GALNT18: variants seen among roughly 807,000 people sequenced by gnomAD.
GALNT18 encodes polypeptide N-acetylgalactosaminyltransferase 18.
Under a neutral mutation model 69.5 loss-of-function variants are expected in GALNT18, and 44 were observed. The ratio of observed to expected loss-of-function variants is 0.63; its 90% CI spans 0.50 to 0.81. GALNT18 has a LOEUF of 0.81. GALNT18 is among the 40% of genes least tolerant of loss of function. GALNT18 has a pLI of 0.00. For missense variants in GALNT18, 715 were observed against 810.0 expected, an observed-to-expected ratio of 0.88 and a Z score of 1.42; for synonymous variants, 364 against 318.2, an observed-to-expected ratio of 1.14 and a Z score of -1.53.
chr11:11,586,943 G>A lies in GALNT18; in HGVS notation c.235+34416C>T, dbSNP rs112154806. Among the ~76,000 whole-genome samples, 78 of 152,216 alleles carry A rather than the reference G, an allele frequency of 5.1e-4. No homozygotes were observed. Among genetic ancestry groups the A allele is most frequent in the African/African-American group, 1.7e-3 (71 of 41,530 alleles). On this transcript the variant is annotated intron_variant, in intron 1 of 10. Coordinates refer to ENST00000227756, the MANE Select transcript of GALNT18 (RefSeq NM_198516.3). This position sits in a 1 kb window ranked among gnomAD's most constrained non-coding sequence, Gnocchi z 4.1. ...GCGGAGGGTGCAGTGAGCCGAGATC[G>A]TGTCAAAGCACTCCAGCCTGGGGAA...
At chr11:11,473,581 T>A (rs1485913248) in intron 1 of GALNT18, among the ~76,000 whole-genome samples, 1 of 152,216 alleles carries the variant, frequency 6.6e-6, no homozygotes, top group Non-Finnish European at 1.5e-5. Context: ...TGAGCTTCAC[T>A]TTCAGCATCC....
Position 11,563,304 on chromosome 11 carries a change from T to C in GALNT18, c.235+58055A>G, listed in dbSNP as rs1347684028. On this transcript the variant is annotated intron_variant, in intron 1 of 10. Transcript: ENST00000227756. The surrounding 1 kb of genome is among the most constrained non-coding windows in gnomAD (Gnocchi z 4.6). Reference sequence around the variant, plus strand: ...GCAATTTCAGCTCCATCTGCAGTCTTTTCTTTCCGGAAGCTTTGCTCCAGT... The same window carrying C: ...GCAATTTCAGCTCCATCTGCAGTCTCTTCTTTCCGGAAGCTTTGCTCCAGT... Among the ~76,000 whole-genome samples the C allele has an allele frequency of 6.6e-6, 1 of 152,186 alleles. No homozygotes were observed. Among genetic ancestry groups the C allele is most frequent in the Non-Finnish European group, 1.5e-5 (1 of 68,036 alleles).
chr11:11,381,530 C>A (rs4453231), intron 3 of GALNT18, among the ~76,000 whole-genome samples: 1 of 152,116 alleles, frequency 6.6e-6, no homozygotes, highest in Non-Finnish European at 1.5e-5. Context: ...TGAATTTCAC[C>A]TCTCTGAATT....
intron 9 of GALNT18, among the ~76,000 whole-genome samples, chr11:11,316,945 G>A (rs527897645): frequency 1.5e-4 from 23 of 152,290 alleles, no homozygotes; most frequent in Non-Finnish European, 2.1e-4. Flanking sequence ...AATACTCAAC[G>A]CATGTTTGTT....
At chr11:11,312,780 C>T (rs1849691708) in intron 9 of GALNT18, among the ~76,000 whole-genome samples, 1 of 152,182 alleles carries the variant, frequency 6.6e-6, no homozygotes, top group South Asian at 2.1e-4. Context: ...ACTGGCTAAG[C>T]CTTCATTTAC....
rs533590851 is a variant in GALNT18 at position 11,543,259 on chromosome 11, T to C, written c.235+78100A>G. On this transcript the variant is annotated intron_variant, in intron 1 of 10. Transcript: ENST00000227756. This position sits in a 1 kb window ranked among gnomAD's most constrained non-coding sequence, Gnocchi z 5.1. The stretch of plus-strand genomic sequence containing the variant: ...TTCCAGCCAGGCTGATCTGTGATCA[T>C]TGCAAGTTGTTGCATCCTTGAGAGT... 1.3e-3 allele frequency among the ~76,000 whole-genome samples: 195 copies of C among 152,352 alleles called. No individual in the cohort carries two copies. In the Middle Eastern group the frequency reaches 0.014, roughly 11 times the overall value.
intron 3 of GALNT18, among the ~76,000 whole-genome samples, chr11:11,420,412 A>C (rs1194703810): frequency 2.6e-5 from 4 of 152,168 alleles, no homozygotes; most frequent in African/African-American, 9.7e-5. Flanking sequence ...TCTCATCCGC[A>C]TGCTCCACTT....
At chr11:11,492,259 A>G (rs1856786263) in intron 1 of GALNT18, among the ~76,000 whole-genome samples, 1 of 152,186 alleles carries the variant, frequency 6.6e-6, no homozygotes, top group South Asian at 2.1e-4. Flanking sequence ...GCATACAGAA[A>G]TGAGGAGACA....
Position 11,470,285 on chromosome 11 carries a change from C to A in GALNT18, c.236-21349G>T, listed in dbSNP as rs1272376004. On this transcript the variant is annotated intron_variant, in intron 1 of 10. Coordinates refer to ENST00000227756, the MANE Select transcript of GALNT18 (RefSeq NM_198516.3). This position sits in a 1 kb window ranked among gnomAD's most constrained non-coding sequence, Gnocchi z 4.8. ...AGGCCCTAAGGTTAAGACCCAGGCA[C>A]CAAGGGACATCCACATTCTGTCTCT... 2.0e-5 allele frequency among the ~76,000 whole-genome samples: 3 copies of A among 152,170 alleles called. No individual in the cohort carries two copies. The highest frequency in any genetic ancestry group is 7.2e-5 in the African/African-American group (3 of 41,440).
chr11:11,494,446 G>A lies in GALNT18; in HGVS notation c.236-45510C>T, dbSNP rs115073393. ...ATGCCCAGGACTGCCACATCCAAGA[G>A]GTTTCACACCATCTTAGTGTCCTGC... On this transcript the variant is annotated intron_variant, in intron 1 of 10. Coordinates refer to ENST00000227756, the MANE Select transcript of GALNT18 (RefSeq NM_198516.3). This position sits in a 1 kb window ranked among gnomAD's most constrained non-coding sequence, Gnocchi z 5.7. Among the ~76,000 whole-genome samples, 2,031 of 152,296 alleles carry A rather than the reference G, an allele frequency of 0.013. 40 individuals carry two copies. The highest frequency in any genetic ancestry group is 0.045 in the African/African-American group (1,873 of 41,554).
intron 1 of GALNT18, among the ~76,000 whole-genome samples, chr11:11,450,891 A>C (rs939929949): frequency 5.9e-5 from 9 of 152,226 alleles, no homozygotes; most frequent in Admixed American, 1.3e-4. Context: ...GCTGGATTTC[A>C]GTCCTGGGAA....
chr11:11,449,897 A>C lies in GALNT18; in HGVS notation c.236-961T>G, dbSNP rs554576841. 3.5e-4 allele frequency among the ~76,000 whole-genome samples: 54 copies of C among 152,386 alleles called. 1 individual carries two copies. Among genetic ancestry groups the C allele is most frequent in the African/African-American group, 1.3e-3 (52 of 41,594 alleles). Reference sequence around the variant, plus strand: ...TCAGTTTATGTCTCAGAACAAGTGCACAGCCAATGGCAATTAGGGTTATTA... The same window carrying C: ...TCAGTTTATGTCTCAGAACAAGTGCCCAGCCAATGGCAATTAGGGTTATTA... On this transcript the variant is annotated intron_variant, in intron 1 of 10. Transcript: ENST00000227756.
chr11:11,290,637 A>C (rs1031746621), intron 10 of GALNT18, among the ~76,000 whole-genome samples: 6 of 152,206 alleles, frequency 3.9e-5, no homozygotes, highest in Non-Finnish European at 7.3e-5. Flanking sequence ...CCTTCCAAAG[A>C]GACCAGGCTC....
intron 1 of GALNT18, among the ~76,000 whole-genome samples, chr11:11,519,957 G>C (rs1240263865): frequency 6.6e-6 from 1 of 152,204 alleles, no homozygotes; most frequent in East Asian, 1.9e-4. Context: ...GAGCGACACT[G>C]GATCAGGTCT....
chr11:11,276,996 G>C (rs562571120), intron 10 of GALNT18, among the ~76,000 whole-genome samples: 1 of 152,302 alleles, frequency 6.6e-6, no homozygotes, highest in African/African-American at 2.4e-5. Flanking sequence ...TCTCTGCCAG[G>C]TTTTGGTATC....
rs1855017317 is a variant in GALNT18, at chr11:11,421,970, G to A, written c.595+10651C>T. Among the ~76,000 whole-genome samples, 1 of 152,214 alleles carries A rather than the reference G, an allele frequency of 6.6e-6. No homozygotes were observed. Among genetic ancestry groups the A allele is most frequent in the South Asian group, 2.1e-4 (1 of 4,838 alleles). ...TGGCATAGAATCATGCATGGCAGCT[G>A]AGAGGTAGGTTCAGAAATGGACACA... On this transcript the variant is annotated intron_variant, in intron 3 of 10. Coordinates refer to ENST00000227756, the MANE Select transcript of GALNT18 (RefSeq NM_198516.3). The surrounding 1 kb of genome is among the most constrained non-coding windows in gnomAD (Gnocchi z 5.6).
chr11:11,313,294 C>A (rs1049294236), intron 9 of GALNT18, among the ~76,000 whole-genome samples: 1 of 152,116 alleles, frequency 6.6e-6, no homozygotes, highest in Admixed American at 6.5e-5. Flanking sequence ...AGCCTGTGGC[C>A]TGTGTTCAAG....
chr11:11,288,731 G>C (rs1172596720), intron 10 of GALNT18, among the ~76,000 whole-genome samples: 2 of 152,186 alleles, frequency 1.3e-5, no homozygotes, highest in Non-Finnish European at 2.9e-5. Context: ...ACGCTGTCCT[G>C]GTTCAGCCTG....
At chr11:11,449,487 C>T (rs1855743733) in intron 1 of GALNT18, among the ~76,000 whole-genome samples, 1 of 152,224 alleles carries the variant, frequency 6.6e-6, no homozygotes, top group Non-Finnish European at 1.5e-5. Flanking sequence ...GCCAGACTGC[C>T]TCCTGCTGCT....
Sources: allele counts gnomAD v4.1 joint callset (sites outside exome capture counted in the v4.1 genomes callset), GRCh38; gene constraint gnomAD v4.1.1; non-coding constraint Gnocchi (gnomAD v3.1); transcripts MANE v1.5; gene names NCBI Gene and HGNC (gene_info 2026-07-23, HGNC 2026-07-21).